The following STYXL1 variants were observed in gnomAD, a reference collection of about 807,000 sequenced individuals.
STYXL1 encodes the protein serine/threonine/tyrosine interacting like 1, also known as serine/threonine/tyrosine-interacting-like protein 1.
Under a neutral mutation model 36.4 loss-of-function variants are expected in STYXL1, and 32 were observed. The observed-to-expected ratio is 0.88, with a 90% CI of 0.66 to 1.18. The LOEUF (loss-of-function observed/expected upper bound fraction) is 1.18, where lower values mean the gene tolerates loss of function less well. STYXL1 is among the 50% of genes most tolerant of loss of function. The pLI, the probability that STYXL1 is intolerant of heterozygous loss-of-function variation, is 0.00. For missense variants in STYXL1, 354 were observed against 394.1 expected, an observed-to-expected ratio of 0.90 and a Z score of 0.86; for synonymous variants, 133 against 144.1, an observed-to-expected ratio of 0.92 and a Z score of 0.55.
chr7:76,035,448 A>G (rs1397310788), intron 1 of STYXL1, among the ~76,000 whole-genome samples: 3 of 149,972 alleles, frequency 2.0e-5, no homozygotes, highest in Non-Finnish European at 4.5e-5. Flanking sequence ...AATACCCCAG[A>G]TTTACATGCT....
intron 6 of STYXL1, among the ~76,000 whole-genome samples, chr7:76,004,865 G>T (rs750170213): frequency 6.6e-6 from 1 of 151,082 alleles, no homozygotes; most frequent in Non-Finnish European, 1.5e-5. Flanking sequence ...GCTGGGCGTG[G>T]TGGCGGGCGC....
At chr7:75,998,301 ATT>A (rs58275187) in intron 8 of STYXL1, among the ~76,000 whole-genome samples, 1 of 146,730 alleles carries the variant, frequency 6.8e-6, no homozygotes, top group Admixed American at 6.8e-5. Flanking sequence ...TGGTCAAGCA[ATT>A]TTTTTTTTTT....
chr7:76,046,368 C>G (rs1797081347), intron 1 of STYXL1, among the ~76,000 whole-genome samples: 1 of 142,826 alleles, frequency 7.0e-6, no homozygotes, highest in African/African-American at 2.7e-5. Context: ...GCTTTTGAGC[C>G]GGAGTTTAGC....
intron 2 of STYXL1, among the ~76,000 whole-genome samples, chr7:76,029,468 GCGATCCC>G (rs532522249): frequency 1.6e-4 from 25 of 152,190 alleles, no homozygotes; most frequent in Non-Finnish European, 3.5e-4. Flanking sequence ...TTCTAAAGCA[GCGATCCC>G]CAATCTTTTT....
At chr7:76,017,177 C>A (rs1793476710) in intron 4 of STYXL1, among the ~76,000 whole-genome samples, 1 of 152,076 alleles carries the variant, frequency 6.6e-6, no homozygotes, top group African/African-American at 2.4e-5. Context: ...CATGCACCAC[C>A]ATGCCCAGCT....
chr7:76,035,178 T>C (rs886080351), intron 1 of STYXL1, among the ~76,000 whole-genome samples: 2 of 150,188 alleles, frequency 1.3e-5, no homozygotes, highest in Non-Finnish European at 3.0e-5. Context: ...CTTCTCTCCA[T>C]CTCCAGGGGT....
rs76303680 is a variant in STYXL1 at position 76,030,334 on chromosome 7, C to G, written c.103+87G>C. On this transcript the variant is annotated intron_variant, in intron 2 of 8. Coordinates refer to ENST00000359697, the MANE Select transcript of STYXL1 (RefSeq NM_001317785.2). ...TGTTCTAAAGTCATTCACTGCCCCC[C>G]ACCCCGCCAAAAGTTTGTTAACTCA... 12,829 of 985,604 alleles carry G rather than the reference C, an allele frequency of 0.013. 630 individuals are homozygous for G. The East Asian group carries it at 0.15, about 12-fold the overall frequency. 61.1% of individuals were successfully genotyped at this position (985,604 alleles called of 1,614,324 possible).
chr7:76,039,366 G>A (rs1347679590), intron 1 of STYXL1, among the ~76,000 whole-genome samples: 1 of 152,004 alleles, frequency 6.6e-6, no homozygotes, highest in Non-Finnish European at 1.5e-5. Context: ...GTGAGCCACT[G>A]CGCCCAGCCA....
chr7:76,022,010 A>T lies in STYXL1; in HGVS notation c.166-18T>A. On this transcript the variant is annotated intron_variant, in intron 3 of 8. Coordinates refer to ENST00000359697, the MANE Select transcript of STYXL1 (RefSeq NM_001317785.2). ...TTATTTTTCTTAAAAAAAAAAACAC[A>T]CACACACAAGAGAGGCCTGTTGGTG... 6.3e-7 allele frequency: 1 copy of T among 1,597,618 alleles called. No individual in the cohort carries two copies. The highest frequency in any genetic ancestry group is 8.5e-7 in the Non-Finnish European group (1 of 1,178,114).
At chr7:76,022,987 GATC>G (rs1440838397) in intron 3 of STYXL1, among the ~76,000 whole-genome samples, 1 of 152,082 alleles carries the variant, frequency 6.6e-6, no homozygotes, top group Non-Finnish European at 1.5e-5. Flanking sequence ...AAACCTCATG[GATC>G]ATAAGATGTA....
intron 3 of STYXL1, among the ~76,000 whole-genome samples, chr7:76,024,480 G>A (rs1347931285): frequency 1.3e-5 from 2 of 152,052 alleles, no homozygotes; most frequent in East Asian, 1.9e-4. Context: ...AGCTGGGTGT[G>A]GTGGTGCACA....
At chr7:76,037,242 C>T (rs532779483) in intron 1 of STYXL1, among the ~76,000 whole-genome samples, 1 of 150,360 alleles carries the variant, frequency 6.7e-6, no homozygotes, top group Non-Finnish European at 1.5e-5. Flanking sequence ...CATGCCCAGC[C>T]CAAAGACACT....
chr7:76,018,780 G>A (rs1554574890), intron 4 of STYXL1, among the ~76,000 whole-genome samples: 1 of 152,172 alleles, frequency 6.6e-6, no homozygotes, highest in African/African-American at 2.4e-5. Flanking sequence ...AGACACTTAG[G>A]TTGTTCGTGC....
Position 76,035,034 on chromosome 7 carries a change from C to G in STYXL1, c.-4-4507G>C, listed in dbSNP as rs990135773. On this transcript the variant is annotated intron_variant, in intron 1 of 8. Coordinates refer to ENST00000359697, the MANE Select transcript of STYXL1 (RefSeq NM_001317785.2). ...CGTGCCCACACCTCCAGTACCTGCT[C>G]CTCATTTAGCCTTCTCAGTCTCAAT... 8.0e-5 allele frequency among the ~76,000 whole-genome samples: 12 copies of G among 150,650 alleles called. 2 individuals are homozygous for G. Among genetic ancestry groups the G allele is most frequent in the Admixed American group, 3.3e-4 (5 of 15,126 alleles).
chr7:76,000,218 CA>C (rs35153306), intron 8 of STYXL1, among the ~76,000 whole-genome samples: 3,846 of 68,690 alleles, frequency 0.056, 108 homozygotes, highest in African/African-American at 0.2. Flanking sequence ...GACTCCATCT[CA>C]AAAAAAAAAA....
At chr7:76,002,407 C>G (rs1261706677) in intron 7 of STYXL1, among the ~76,000 whole-genome samples, 9 of 152,172 alleles carry the variant, frequency 5.9e-5, no homozygotes, top group African/African-American at 1.9e-4. Flanking sequence ...ACTGCCAGGG[C>G]TGAAGAAGGA....
chr7:75,996,620 A>AGTGAACTTC (rs1563451577), intron 8 of STYXL1, 21 bp from the exon 9 acceptor site: 1 of 1,612,988 alleles, frequency 6.2e-7, no homozygotes, highest in Admixed American at 1.7e-5. Flanking sequence ...AAAGAGAGAA[A>AGTGAACTTC]GTGAACTTCA....
At position 76,029,977 on chromosome 7, in the gene STYXL1, G is replaced by A. The variant is rs555442533; in HGVS notation, c.103+444C>T. On this transcript the variant is annotated intron_variant, in intron 2 of 8. Transcript: ENST00000359697. Reference sequence around the variant, plus strand: ...AGACCACAGACTGGTACTGGGGGTTGGGGGTTGCGGACTTCTTTTTTATTT... The same window carrying A: ...AGACCACAGACTGGTACTGGGGGTTAGGGGTTGCGGACTTCTTTTTTATTT... Among the ~76,000 whole-genome samples, 4 of 152,082 alleles carry A rather than the reference G, an allele frequency of 2.6e-5. No individual in the cohort carries two copies. The East Asian group carries it at 7.7e-4, about 29-fold the overall frequency.
At chr7:76,006,297 C>G (rs1254475319) in intron 5 of STYXL1, among the ~76,000 whole-genome samples, 1 of 151,980 alleles carries the variant, frequency 6.6e-6, no homozygotes, top group African/African-American at 2.4e-5. Flanking sequence ...AAGCTGTCCT[C>G]GAACTCCTGG....
Sources: gnomAD v4.1 joint callset for allele counts (sites outside exome capture counted in the v4.1 genomes callset) on GRCh38, gnomAD v4.1.1 for gene constraint, MANE v1.5 for transcripts, NCBI Gene and HGNC (gene_info 2026-07-23, HGNC 2026-07-21) for gene names.